Variants in PIK3R4 observed in about 807,000 individuals in gnomAD.
PIK3R4 encodes the protein phosphoinositide 3-kinase regulatory subunit 4.
PIK3R4 carries 46 observed loss-of-function variants against 136.5 expected under a neutral mutation model. The ratio of observed to expected loss-of-function variants is 0.34; its 90% CI spans 0.27 to 0.43. The LOEUF is 0.43. Among genes scored for constraint, PIK3R4 ranks in the 20% least tolerant of loss-of-function variants. PIK3R4 has a pLI of 1.00. For missense variants in PIK3R4, 1,331 were observed against 1,649.5 expected, an observed-to-expected ratio of 0.81 and a Z score of 3.35; for synonymous variants, 557 against 566.7, an observed-to-expected ratio of 0.98 and a Z score of 0.24.
chr3:130,746,192 G>A (rs900350517), intron 1 of PIK3R4, 126 bp downstream of exon 1: 7 of 152,310 alleles, frequency 4.6e-5, no homozygotes, highest in Non-Finnish European at 1.0e-4. Flanking sequence ...TGCCACAGAT[G>A]TTAAAGAAAA....
chr3:130,739,297 C>T lies in PIK3R4; in HGVS notation c.734-3295G>A, dbSNP rs182823991. The stretch of plus-strand genomic sequence containing the variant: ...TTCACCGTGTTAGCCAAGATGGTCT[C>T]GATCTCCTGACCTCGTGATCCACCC... On this transcript the variant is annotated intron_variant, in intron 2 of 19. Transcript: ENST00000356763. Among the ~76,000 whole-genome samples the T allele has an allele frequency of 1.4e-4, 21 of 152,212 alleles. No individual in the cohort carries two copies. The East Asian group carries it at 2.9e-3, about 21-fold the overall frequency.
At chr3:130,727,789 T>C (rs747891820) in intron 6 of PIK3R4, among the ~76,000 whole-genome samples, 1 of 152,220 alleles carries the variant, frequency 6.6e-6, no homozygotes, top group Non-Finnish European at 1.5e-5. Context: ...TATTAAATCC[T>C]GTATCAAACA....
At chr3:130,689,003 G>C (rs557181530) in intron 14 of PIK3R4, among the ~76,000 whole-genome samples, 2 of 152,118 alleles carry the variant, frequency 1.3e-5, no homozygotes, top group Non-Finnish European at 2.9e-5. Context: ...TCCCATTGAG[G>C]AGTGATGAAA....
chr3:130,737,237 A>G (rs565230833), intron 2 of PIK3R4, among the ~76,000 whole-genome samples: 1 of 152,262 alleles, frequency 6.6e-6, no homozygotes, highest in East Asian at 1.9e-4. Context: ...AACTACCGCC[A>G]CACCCCTCAC....
chr3:130,728,695 A>G lies in PIK3R4; in HGVS notation c.1586-11T>C, dbSNP rs780160038. On this transcript the variant is annotated splice_polypyrimidine_tract_variant and intron_variant, in intron 5 of 19. Coordinates refer to ENST00000356763, the MANE Select transcript of PIK3R4 (RefSeq NM_014602.3). The stretch of plus-strand genomic sequence containing the variant: ...GTAAGGCTTGGAGCTCTAAAAAAAA[A>G]AAAAAAAGAAAGAAAGAAAGAAAGA... 1 of 1,495,990 alleles carries G rather than the reference A, an allele frequency of 6.7e-7. No individual in the cohort carries two copies. Among genetic ancestry groups the G allele is most frequent in the Non-Finnish European group, 9.0e-7 (1 of 1,109,360 alleles). 92.7% of individuals were successfully genotyped at this position (1,495,990 alleles called of 1,614,324 possible).
At chr3:130,723,358 A>G (rs1576460545) in intron 7 of PIK3R4, 56 bp downstream of exon 7, 10 of 1,458,498 alleles carry the variant, frequency 6.9e-6, no homozygotes, top group Non-Finnish European at 8.4e-6. Flanking sequence ...TATATTACCT[A>G]GAAATTTTAT....
chr3:130,725,687 G>A (rs772021704), intron 6 of PIK3R4, among the ~76,000 whole-genome samples: 2 of 151,742 alleles, frequency 1.3e-5, no homozygotes, highest in African/African-American at 2.4e-5. Context: ...AGAAACGTGA[G>A]CTTAAAATTG....
intron 6 of PIK3R4, among the ~76,000 whole-genome samples, chr3:130,727,223 T>TG (rs1559828882): frequency 2.5e-4 from 38 of 150,974 alleles, no homozygotes; most frequent in African/African-American, 8.8e-4. Flanking sequence ...AAACTTAAAG[T>TG]CTTTTTTTTT....
At chr3:130,734,248 A>G in intron 3 of PIK3R4, 118 bp from the exon 4 acceptor site, 1 of 764,328 alleles carries the variant, frequency 1.3e-6, no homozygotes, top group Non-Finnish European at 2.1e-6. Context: ...CTGACTGCTA[A>G]GTGATTTGTG....
intron 12 of PIK3R4, among the ~76,000 whole-genome samples, chr3:130,704,124 G>A (rs1309361635): frequency 6.6e-6 from 1 of 152,134 alleles, no homozygotes; most frequent in Non-Finnish European, 1.5e-5. Context: ...GGCAGCCCCT[G>A]GGGCCCTTCT....
rs5852606 is a variant in PIK3R4 at position 130,728,686 on chromosome 3, T to TAA, written c.1586-4_1586-3dup. On this transcript the variant is annotated splice_polypyrimidine_tract_variant and splice_region_variant and intron_variant, in intron 5 of 19. Coordinates refer to ENST00000356763, the MANE Select transcript of PIK3R4 (RefSeq NM_014602.3). ...CCATTTCATGTAAGGCTTGGAGCTC[T>TAA]AAAAAAAAAAAAAAAAGAAAGAAAG... 0.016 allele frequency: 16,839 copies of TAA among 1,023,414 alleles called. 216 individuals are homozygous for TAA. The highest frequency in any genetic ancestry group is 0.099 in the African/African-American group (5,118 of 51,580). The allele number at this position is 1,023,414 out of a possible 1,614,324, so 63.4% of individuals were successfully genotyped here. A position where few individuals can be genotyped will look rare whatever the true frequency, so the allele number is the denominator to read the frequency against.
chr3:130,723,091 A>AAAAAAAAAAAAAAAAAAAAAAAAAAAAC (rs2066711827), intron 7 of PIK3R4, among the ~76,000 whole-genome samples: 2 of 135,982 alleles, frequency 1.5e-5, no homozygotes, highest in Admixed American at 7.7e-5. Context: ...AAAAAAAAAA[A>AAAAAAAAAAAAAAAAAAAAAAAAAAAAC]AAAAAATTAA....
chr3:130,701,598 G>T (rs1019223311), intron 13 of PIK3R4, among the ~76,000 whole-genome samples: 13 of 151,960 alleles, frequency 8.6e-5, no homozygotes, highest in African/African-American at 7.3e-5. Flanking sequence ...TAAAAGAAAG[G>T]AATAGAAGGG....
At chr3:130,716,244 A>C in intron 9 of PIK3R4, 152 bp downstream of exon 9, 2 of 635,534 alleles carry the variant, frequency 3.1e-6, no homozygotes, top group Non-Finnish European at 2.7e-6. Context: ...TTTAGGAATC[A>C]AAAGCAAATG....
intron 12 of PIK3R4, among the ~76,000 whole-genome samples, chr3:130,705,302 AC>A (rs2107607774): frequency 6.6e-6 from 1 of 152,364 alleles, no homozygotes; most frequent in South Asian, 2.1e-4. Context: ...AAAACCTAGT[AC>A]TATAAATGGG....
intron 2 of PIK3R4, among the ~76,000 whole-genome samples, chr3:130,737,970 CTA>C (rs1220668680): frequency 1.3e-5 from 2 of 152,192 alleles, no homozygotes; most frequent in African/African-American, 2.4e-5. Flanking sequence ...GGGACAGTCT[CTA>C]TGTTTCTTCT....
intron 2 of PIK3R4, among the ~76,000 whole-genome samples, chr3:130,740,003 T>A (rs997726016): frequency 2.6e-5 from 4 of 152,228 alleles, no homozygotes; most frequent in African/African-American, 9.6e-5. Flanking sequence ...TATACTCTAG[T>A]TAACAGTAAT....
Position 130,690,360 on chromosome 3 carries a change from T to C in PIK3R4, c.3263+130A>G. The C allele has an allele frequency of 7.1e-6, 3 of 423,612 alleles. No individual in the cohort carries two copies. The East Asian group carries it at 1.1e-4, about 15-fold the overall frequency. The allele number at this position is 423,612 out of a possible 1,614,324, so 26.2% of individuals were successfully genotyped here. A position where few individuals can be genotyped will look rare whatever the true frequency, so the allele number is the denominator to read the frequency against. On this transcript the variant is annotated intron_variant, in intron 14 of 19. Transcript: ENST00000356763. Reference sequence around the variant, plus strand: ...TTTATTTATTTATTTATTTATTTTATGGGCTTAAAAAAAGAAGTGCAATGT... The same window carrying C: ...TTTATTTATTTATTTATTTATTTTACGGGCTTAAAAAAAGAAGTGCAATGT...
intron 13 of PIK3R4, among the ~76,000 whole-genome samples, chr3:130,698,938 G>A (rs1015603638): frequency 2.0e-5 from 3 of 152,200 alleles, no homozygotes; most frequent in South Asian, 2.1e-4. Context: ...GAACAATTAA[G>A]TGAGGGTTTT....
Sources: allele counts gnomAD v4.1 joint callset (sites outside exome capture counted in the v4.1 genomes callset), GRCh38; gene constraint gnomAD v4.1.1; transcripts MANE v1.5; gene names NCBI Gene and HGNC (gene_info 2026-07-23, HGNC 2026-07-21).